B3GALT1: variants seen among roughly 807,000 people sequenced by gnomAD.
B3GALT1 encodes the protein UDP-Gal:betaGlcNAc beta 1,3-galactosyltransferase, polypeptide 1.
Under a neutral mutation model 23.2 loss-of-function variants are expected in B3GALT1, and 10 were observed. The observed-to-expected ratio is 0.43, with a 90% CI of 0.27 to 0.73. The LOEUF (loss-of-function observed/expected upper bound fraction) is 0.73. Among genes scored for constraint, B3GALT1 ranks in the 30% least tolerant of loss-of-function variants. The probability of loss-of-function intolerance (pLI) is 0.21; values close to 1 mark genes in which losing one functional copy is unlikely to be tolerated. For synonymous variants in B3GALT1, 156 were observed against 141.5 expected, an observed-to-expected ratio of 1.10 and a Z score of -0.73; for missense variants, 299 against 405.4, an observed-to-expected ratio of 0.74 and a Z score of 2.25.
intron 2 of B3GALT1, among the ~76,000 whole-genome samples, chr2:167,559,176 C>T (rs574345264): frequency 2.1e-4 from 32 of 152,256 alleles, no homozygotes; most frequent in Admixed American, 1.0e-3. Context: ...CTGCAGACAC[C>T]GCTGCTGATA....
At chr2:167,359,623 T>C (rs1697468644) in intron 1 of B3GALT1, among the ~76,000 whole-genome samples, 1 of 152,238 alleles carries the variant, frequency 6.6e-6, no homozygotes, top group Admixed American at 6.5e-5. Flanking sequence ...TGGCTAACCA[T>C]GACAATTTTA....
intron 4 of B3GALT1, among the ~76,000 whole-genome samples, chr2:167,854,447 C>T (rs1294708368): frequency 1.3e-5 from 2 of 152,268 alleles, no homozygotes; most frequent in African/African-American, 2.4e-5. Context: ...TTAGTGGACA[C>T]GTTATTGCTT....
chr2:167,472,276 G>C (rs2105331569), intron 1 of B3GALT1, among the ~76,000 whole-genome samples: 1 of 152,272 alleles, frequency 6.6e-6, no homozygotes, highest in Non-Finnish European at 1.5e-5. Flanking sequence ...CAGTCCTGCT[G>C]TATCAATATG....
intron 1 of B3GALT1, among the ~76,000 whole-genome samples, chr2:167,476,049 C>T (rs771777237): frequency 6.6e-6 from 1 of 152,172 alleles, no homozygotes; most frequent in Non-Finnish European, 1.5e-5. Context: ...AGAATGACCT[C>T]ATCTTAACAC....
intron 1 of B3GALT1, among the ~76,000 whole-genome samples, chr2:167,401,559 T>C (rs570243165): frequency 7.9e-4 from 121 of 152,212 alleles, no homozygotes; most frequent in Non-Finnish European, 1.3e-3. Context: ...CAAGACCTTT[T>C]TCACAATGAC....
intron 3 of B3GALT1, chr2:167,715,464 C>T (rs987248120): frequency 1.9e-6 from 3 of 1,607,836 alleles, no homozygotes; most frequent in Middle Eastern, 1.7e-4. Flanking sequence ...CGTCGTTCTT[C>T]AGTCATTGGA....
At chr2:167,593,263 A>G (rs975822347) in intron 2 of B3GALT1, among the ~76,000 whole-genome samples, 2 of 152,252 alleles carry the variant, frequency 1.3e-5, no homozygotes, top group South Asian at 4.1e-4. Flanking sequence ...GTGATATATT[A>G]TACAACAGTT....
intron 4 of B3GALT1, among the ~76,000 whole-genome samples, chr2:167,860,858 C>T (rs1298046313): frequency 6.7e-6 from 1 of 148,232 alleles, no homozygotes; most frequent in Non-Finnish European, 1.5e-5. Flanking sequence ...AGAATCTCAA[C>T]TGGCTTTTCT....
At chr2:167,375,240 C>T (rs1042373918) in intron 1 of B3GALT1, among the ~76,000 whole-genome samples, 1 of 151,948 alleles carries the variant, frequency 6.6e-6, no homozygotes, top group Admixed American at 6.6e-5. Context: ...TGGTTACTGT[C>T]GACTTATAGT....
intron 3 of B3GALT1, among the ~76,000 whole-genome samples, chr2:167,654,070 C>T (rs1685911110): frequency 1.3e-5 from 2 of 152,116 alleles, no homozygotes; most frequent in Admixed American, 6.6e-5. Flanking sequence ...TAAAGTGTGG[C>T]CTCTGGAGTC....
chr2:167,804,606 C>G (rs1688710892), intron 3 of B3GALT1, among the ~76,000 whole-genome samples: 1 of 152,062 alleles, frequency 6.6e-6, no homozygotes, highest in African/African-American at 2.4e-5. Flanking sequence ...AGATAGTTTG[C>G]TGAGAATGAT....
chr2:167,342,071 TAACTA>T (rs1310403461), intron 1 of B3GALT1, among the ~76,000 whole-genome samples: 5 of 152,084 alleles, frequency 3.3e-5, no homozygotes, highest in African/African-American at 1.2e-4. Context: ...AGCAGAGAAA[TAACTA>T]AAATAATCAC....
chr2:167,668,142 C>G (rs539354953), intron 3 of B3GALT1, among the ~76,000 whole-genome samples: 165 of 152,176 alleles, frequency 1.1e-3, no homozygotes, highest in African/African-American at 3.8e-3. Context: ...GATGTCCTTT[C>G]TGTTTGTTAG....
chr2:167,788,803 T>C (rs993382425), intron 3 of B3GALT1, among the ~76,000 whole-genome samples: 54 of 152,154 alleles, frequency 3.5e-4, no homozygotes, highest in African/African-American at 1.2e-3. Context: ...AGAAAATTTA[T>C]GGGATGAACC....
intron 1 of B3GALT1, among the ~76,000 whole-genome samples, chr2:167,294,075 C>T (rs1183339247): frequency 6.6e-6 from 1 of 152,212 alleles, no homozygotes; most frequent in African/African-American, 2.4e-5. Flanking sequence ...CTGGTAGCGG[C>T]TCCTCCTGCC....
At chr2:167,788,117 C>T (rs1688372882) in intron 3 of B3GALT1, among the ~76,000 whole-genome samples, 1 of 152,058 alleles carries the variant, frequency 6.6e-6, no homozygotes, top group Non-Finnish European at 1.5e-5. Flanking sequence ...GGAGATGCCC[C>T]ATCCCTTTCT....
chr2:167,308,509 T>C (rs1696583375), intron 1 of B3GALT1, among the ~76,000 whole-genome samples: 1 of 152,046 alleles, frequency 6.6e-6, no homozygotes, highest in Non-Finnish European at 1.5e-5. Context: ...AGAAATGAAG[T>C]AACTGATACT....
At chr2:167,712,714 C>G (rs552465663) in intron 3 of B3GALT1, among the ~76,000 whole-genome samples, 1 of 152,152 alleles carries the variant, frequency 6.6e-6, no homozygotes, top group Admixed American at 6.5e-5. Flanking sequence ...GTTCTTCTTC[C>G]AGATCCTACT....
At chr2:167,447,928 T>A (rs894183302) in intron 1 of B3GALT1, among the ~76,000 whole-genome samples, 2 of 152,198 alleles carry the variant, frequency 1.3e-5, no homozygotes, top group Non-Finnish European at 2.9e-5. Context: ...ATCACCCATC[T>A]TCTGCGTCGC....
Sources: allele counts gnomAD v4.1 joint callset (sites outside exome capture counted in the v4.1 genomes callset), GRCh38; gene constraint gnomAD v4.1.1; transcripts MANE v1.5; gene names NCBI Gene and HGNC (gene_info 2026-07-23, HGNC 2026-07-21).